Variants in TMEM41B observed in about 807,000 individuals in gnomAD.
The protein encoded by TMEM41B is transmembrane protein 41B.
Under a neutral mutation model 31.9 loss-of-function variants are expected in TMEM41B, and 18 were observed. The ratio of observed to expected loss-of-function variants is 0.56; its 90% CI spans 0.39 to 0.84. The LOEUF is 0.84. TMEM41B is among the 40% of genes least tolerant of loss of function. The pLI, the probability that TMEM41B is intolerant of heterozygous loss-of-function variation, is 0.00. For missense variants in TMEM41B, 322 were observed against 348.0 expected, an observed-to-expected ratio of 0.93 and a Z score of 0.59; for synonymous variants, 144 against 124.3, an observed-to-expected ratio of 1.16 and a Z score of -1.05.
intron 1 of TMEM41B, chr11:9,311,203 C>A: frequency 1.4e-6 from 2 of 1,428,450 alleles, no homozygotes; most frequent in Non-Finnish European, 1.9e-6. Flanking sequence ...TACTTTCCCC[C>A]AATACAACAT....
At chr11:9,300,257 T>G (rs927732346) in intron 1 of TMEM41B, among the ~76,000 whole-genome samples, 2 of 152,164 alleles carry the variant, frequency 1.3e-5, no homozygotes, top group African/African-American at 4.8e-5. Flanking sequence ...TAGCATTGGT[T>G]TATTGATAAG....
intron 3 of TMEM41B, among the ~76,000 whole-genome samples, chr11:9,289,214 C>G (rs530327921): frequency 6.6e-6 from 1 of 152,262 alleles, no homozygotes; most frequent in Non-Finnish European, 1.5e-5. Context: ...CCAGGCTAGT[C>G]TTGAACTCCT....
At chr11:9,292,921 T>C (rs1279190040) in intron 3 of TMEM41B, among the ~76,000 whole-genome samples, 1 of 152,168 alleles carries the variant, frequency 6.6e-6, no homozygotes, top group Non-Finnish European at 1.5e-5. Context: ...TGCCAACACT[T>C]GTTATTTTCA....
intron 3 of TMEM41B, among the ~76,000 whole-genome samples, chr11:9,292,405 C>T (rs1359780384): frequency 6.6e-6 from 1 of 152,090 alleles, no homozygotes; most frequent in East Asian, 1.9e-4. Context: ...GCTTTATATA[C>T]TATGAAACAT....
At chr11:9,302,173 AT>A (rs201405393) in intron 1 of TMEM41B, among the ~76,000 whole-genome samples, 1 of 90,970 alleles carries the variant, frequency 1.1e-5, no homozygotes, top group African/African-American at 4.3e-5. Flanking sequence ...TGCCCGGCTA[AT>A]TTTTTTTTGT....
intron 2 of TMEM41B, among the ~76,000 whole-genome samples, chr11:9,297,687 T>C (rs1029553011): frequency 1.3e-5 from 2 of 151,714 alleles, no homozygotes; most frequent in Non-Finnish European, 2.9e-5. Context: ...TGAGACTCTG[T>C]CTCAAAAAAA....
At chr11:9,298,736 C>T (rs1034540877) in intron 2 of TMEM41B, among the ~76,000 whole-genome samples, 9 of 151,024 alleles carry the variant, frequency 6.0e-5, no homozygotes, top group African/African-American at 1.2e-4. Flanking sequence ...ACACCACTTA[C>T]TCCAGCCTGG....
intron 5 of TMEM41B, among the ~76,000 whole-genome samples, chr11:9,286,828 G>A (rs540771509): frequency 3.4e-5 from 5 of 148,610 alleles, no homozygotes; most frequent in Admixed American, 1.3e-4. Context: ...GGTGAAACCC[G>A]TTTCTACTAA....
intron 2 of TMEM41B, among the ~76,000 whole-genome samples, chr11:9,299,321 T>TACACACACACACAC (rs1303303364): frequency 3.7e-3 from 39 of 10,526 alleles, no homozygotes; most frequent in Non-Finnish European, 0.014. Context: ...TATATATACA[T>TACACACACACACAC]ACATACACAC....
chr11:9,294,213 A>G (rs1189272561), intron 3 of TMEM41B, among the ~76,000 whole-genome samples: 2 of 111,192 alleles, frequency 1.8e-5, no homozygotes, highest in Admixed American at 1.0e-4. Context: ...AAAAAAAAAA[A>G]GCCGGGCACA....
chr11:9,299,482 CA>C (rs1204780578), intron 2 of TMEM41B, 101 bp downstream of exon 2: 1 of 802,374 alleles, frequency 1.2e-6, no homozygotes, highest in East Asian at 2.6e-5. Flanking sequence ...CTCGGCCTCC[CA>C]AAGTGTTGAG....
chr11:9,309,933 A>C (rs1853513832), intron 1 of TMEM41B, among the ~76,000 whole-genome samples: 2 of 151,576 alleles, frequency 1.3e-5, no homozygotes, highest in South Asian at 4.2e-4. Flanking sequence ...AAAAAAAAAA[A>C]CAAAAGAACA....
rs1056476579 is a variant in TMEM41B, at chr11:9,314,459, G to A, written c.-18C>T. The A allele has an allele frequency of 1.5e-5, 24 of 1,550,702 alleles. No individual in the cohort carries two copies. In the African/African-American group the frequency reaches 1.9e-4, roughly 12 times the overall value. On this transcript the variant is annotated 5_prime_UTR_variant, in exon 1 of 7. Coordinates refer to ENST00000528080, the MANE Select transcript of TMEM41B (RefSeq NM_015012.4). ...TTCGCCATGGCTGCTGCAAGGTGAA[G>A]GGAGCGGTGCGGTGCCGCGCCCCCT... is the stretch of plus-strand genomic sequence containing the variant.
intron 1 of TMEM41B, chr11:9,311,624 T>A: frequency 1.1e-6 from 1 of 924,646 alleles, no homozygotes; most frequent in Non-Finnish European, 1.7e-6. Flanking sequence ...GATTGGAACC[T>A]CCAGGGCACC....
At chr11:9,309,670 C>T (rs1197968691) in intron 1 of TMEM41B, among the ~76,000 whole-genome samples, 2 of 151,650 alleles carry the variant, frequency 1.3e-5, no homozygotes, top group Non-Finnish European at 2.9e-5. Flanking sequence ...CACCTGTAAT[C>T]CCAGCACTTT....
intron 3 of TMEM41B, among the ~76,000 whole-genome samples, chr11:9,294,906 G>A (rs576084975): frequency 9.7e-4 from 147 of 151,908 alleles, no homozygotes; most frequent in African/African-American, 3.4e-3. Context: ...ATACTATGGT[G>A]ACTACTAATT....
At chr11:9,291,251 AG>A (rs1852951492) in intron 3 of TMEM41B, among the ~76,000 whole-genome samples, 1 of 152,152 alleles carries the variant, frequency 6.6e-6, no homozygotes, top group Admixed American at 6.6e-5. Flanking sequence ...GCGCAGTGGC[AG>A]GTGCCTGTAA....
intron 1 of TMEM41B, among the ~76,000 whole-genome samples, chr11:9,306,618 G>A (rs531738436): frequency 3.9e-5 from 6 of 152,098 alleles, no homozygotes; most frequent in African/African-American, 1.4e-4. Context: ...CCCGGGAGGC[G>A]GAGCTTGCAG....
At chr11:9,299,962 A>G (rs986243807) in intron 1 of TMEM41B, among the ~76,000 whole-genome samples, 4 of 152,086 alleles carry the variant, frequency 2.6e-5, no homozygotes, top group Admixed American at 6.6e-5. Context: ...TCTACTAAAA[A>G]TACAAAATTA....
Sources: allele counts gnomAD v4.1 joint callset (sites outside exome capture counted in the v4.1 genomes callset), GRCh38; gene constraint gnomAD v4.1.1; transcripts MANE v1.5; gene names NCBI Gene and HGNC (gene_info 2026-07-23, HGNC 2026-07-21).